Variants in KCTD8 observed in about 807,000 individuals in gnomAD.
KCTD8 encodes the protein BTB/POZ domain-containing protein KCTD8.
Under a neutral mutation model 31.5 loss-of-function variants are expected in KCTD8, and 27 were observed. That is an observed-to-expected ratio of 0.86 (90% CI 0.63 to 1.18). The LOEUF (loss-of-function observed/expected upper bound fraction) is 1.18. Among genes scored for constraint, KCTD8 ranks in the 50% most tolerant of loss-of-function variants. The pLI is 0.00. For missense variants in KCTD8, 658 were observed against 647.7 expected, an observed-to-expected ratio of 1.02 and a Z score of -0.17; for synonymous variants, 290 against 280.0, an observed-to-expected ratio of 1.04 and a Z score of -0.36.
At chr4:44,178,962 C>T (rs1489183622) in intron 1 of KCTD8, among the ~76,000 whole-genome samples, 2 of 152,144 alleles carry the variant, frequency 1.3e-5, no homozygotes, top group African/African-American at 2.4e-5. Flanking sequence ...GGAGGAGACA[C>T]AACTATGGAT....
chr4:44,406,238 G>A (rs1272769313), intron 1 of KCTD8, among the ~76,000 whole-genome samples: 1 of 152,024 alleles, frequency 6.6e-6, no homozygotes, highest in Non-Finnish European at 1.5e-5. Context: ...TCTCTTTCAG[G>A]GGTTAAATAC....
intron 1 of KCTD8, among the ~76,000 whole-genome samples, chr4:44,370,242 T>C (rs988066816): frequency 1.3e-5 from 2 of 152,186 alleles, no homozygotes; most frequent in Non-Finnish European, 2.9e-5. Flanking sequence ...TTTACTATCA[T>C]TAAAGCAATA....
At chr4:44,255,422 TTATC>T (rs1715963444) in intron 1 of KCTD8, among the ~76,000 whole-genome samples, 1 of 151,962 alleles carries the variant, frequency 6.6e-6, no homozygotes, top group South Asian at 2.1e-4. Flanking sequence ...TCCTTATACA[TTATC>T]TAAGCATTTA....
intron 1 of KCTD8, among the ~76,000 whole-genome samples, chr4:44,185,483 T>C (rs1713558431): frequency 6.6e-6 from 1 of 152,194 alleles, no homozygotes; most frequent in Admixed American, 6.5e-5. Flanking sequence ...TACGATAAAA[T>C]TTGATTGTGA....
chr4:44,319,118 A>C (rs2109404782), intron 1 of KCTD8, among the ~76,000 whole-genome samples: 1 of 152,330 alleles, frequency 6.6e-6, no homozygotes, highest in Middle Eastern at 3.4e-3. Flanking sequence ...AGCTAACCTA[A>C]GAAATTCAAA....
At chr4:44,369,648 T>C (rs374275951) in intron 1 of KCTD8, among the ~76,000 whole-genome samples, 10 of 152,194 alleles carry the variant, frequency 6.6e-5, no homozygotes, top group African/African-American at 2.2e-4. Context: ...TTTACAAAGA[T>C]TAGCCAGGCA....
chr4:44,421,474 G>T lies in KCTD8; in HGVS notation c.961+26089C>A, dbSNP rs182221777. On this transcript the variant is annotated intron_variant, in intron 1 of 1. Coordinates refer to ENST00000360029, the MANE Select transcript of KCTD8 (RefSeq NM_198353.3). ...TCTGATTCAGTATATCTCTTGCAGA[G>T]CCCAGACATATGAACCTTTTAACAA... Among the ~76,000 whole-genome samples the T allele has an allele frequency of 3.9e-5, 6 of 152,188 alleles. No individual in the cohort carries two copies. The East Asian group carries it at 1.2e-3, about 29-fold the overall frequency.
intron 1 of KCTD8, among the ~76,000 whole-genome samples, chr4:44,249,232 A>T (rs1465597577): frequency 4.6e-5 from 7 of 151,714 alleles, no homozygotes; most frequent in Non-Finnish European, 4.4e-5. Context: ...AGGTTAATGA[A>T]TTTTTTCTCA....
chr4:44,286,166 G>A (rs780524781), intron 1 of KCTD8, among the ~76,000 whole-genome samples: 4 of 151,792 alleles, frequency 2.6e-5, no homozygotes, highest in Non-Finnish European at 5.9e-5. Context: ...CACTTTATTG[G>A]TAACTGTAGG....
At chr4:44,296,612 T>A (rs1010361266) in intron 1 of KCTD8, among the ~76,000 whole-genome samples, 1 of 152,130 alleles carries the variant, frequency 6.6e-6, no homozygotes, top group African/African-American at 2.4e-5. Context: ...TAGTAGACTA[T>A]TTTGCTGCTC....
chr4:44,192,283 C>A (rs1713786884), intron 1 of KCTD8, among the ~76,000 whole-genome samples: 1 of 152,020 alleles, frequency 6.6e-6, no homozygotes, highest in Admixed American at 6.6e-5. Context: ...GCAATATAAA[C>A]AATTAAAAGA....
chr4:44,353,079 T>C (rs1046347780), intron 1 of KCTD8, among the ~76,000 whole-genome samples: 42 of 152,164 alleles, frequency 2.8e-4, no homozygotes, highest in African/African-American at 9.6e-4. Flanking sequence ...AGATACAGAA[T>C]GTTTCCAAAA....
At position 44,286,889 on chromosome 4, in the gene KCTD8, G is replaced by C. The variant is rs7668870; in HGVS notation, c.962-111639C>G. Among the ~76,000 whole-genome samples, 345 of 152,182 alleles carry C rather than the reference G, an allele frequency of 2.3e-3. 1 individual carries two copies. The highest frequency in any genetic ancestry group is 7.9e-3 in the African/African-American group (326 of 41,528). On this transcript the variant is annotated intron_variant, in intron 1 of 1. Coordinates refer to ENST00000360029, the MANE Select transcript of KCTD8 (RefSeq NM_198353.3). ...GGAGAGCAGATTCAGGATAGAAGTA[G>C]GTAACAGAGGACTTGTTGATTGAGT...
intron 1 of KCTD8, among the ~76,000 whole-genome samples, chr4:44,376,772 A>G (rs1002853860): frequency 2.6e-5 from 4 of 152,174 alleles, no homozygotes; most frequent in Admixed American, 2.6e-4. Flanking sequence ...TTCTGACTGG[A>G]GGAAGTCAAA....
At chr4:44,332,914 G>C (rs1216585653) in intron 1 of KCTD8, among the ~76,000 whole-genome samples, 1 of 151,968 alleles carries the variant, frequency 6.6e-6, no homozygotes, top group African/African-American at 2.4e-5. Flanking sequence ...ATGTTTACAG[G>C]CATTGTCAAA....
At chr4:44,320,008 C>A (rs975393363) in intron 1 of KCTD8, among the ~76,000 whole-genome samples, 2 of 151,568 alleles carry the variant, frequency 1.3e-5, no homozygotes, top group African/African-American at 4.8e-5. Flanking sequence ...CCCGTCTCTA[C>A]TAAAAATACA....
intron 1 of KCTD8, among the ~76,000 whole-genome samples, chr4:44,250,223 T>G (rs1715787440): frequency 6.6e-6 from 1 of 151,782 alleles, no homozygotes; most frequent in Non-Finnish European, 1.5e-5. Flanking sequence ...CCAAATTGCT[T>G]TTCAAATCGA....
At chr4:44,270,155 T>TGATAGAC (rs1259698344) in intron 1 of KCTD8, among the ~76,000 whole-genome samples, 1 of 151,980 alleles carries the variant, frequency 6.6e-6, no homozygotes, top group African/African-American at 2.4e-5. Flanking sequence ...TGTCCAACAA[T>TGATAGAC]GATAGACTGG....
intron 1 of KCTD8, among the ~76,000 whole-genome samples, chr4:44,256,451 A>G (rs1204943499): frequency 1.3e-5 from 2 of 151,988 alleles, no homozygotes; most frequent in African/African-American, 4.8e-5. Context: ...ACTTCGAGAA[A>G]AAAGATATCC....
Sources: gnomAD v4.1 joint callset for allele counts (sites outside exome capture counted in the v4.1 genomes callset) on GRCh38, gnomAD v4.1.1 for gene constraint, MANE v1.5 for transcripts, NCBI Gene and HGNC (gene_info 2026-07-23, HGNC 2026-07-21) for gene names.